Variants in NF1 observed in about 807,000 individuals in gnomAD.
The protein encoded by NF1 is neurofibromin 1.
In NF1, 122 loss-of-function variants were observed where a neutral mutation model predicts 325.7. That is an observed-to-expected ratio of 0.37 (90% CI 0.32 to 0.44). NF1 has a LOEUF of 0.44. Among genes scored for constraint, NF1 ranks in the 20% least tolerant of loss-of-function variants. The pLI, the probability that NF1 is intolerant of heterozygous loss-of-function variation, is 1.00. For missense variants in NF1, 2,140 were observed against 3,415.4 expected, an observed-to-expected ratio of 0.63 and a Z score of 9.31; for synonymous variants, 1,091 against 1,186.0, an observed-to-expected ratio of 0.92 and a Z score of 1.65.
intron 5 of NF1, among the ~76,000 whole-genome samples, chr17:31,174,263 A>C (rs561389492): frequency 5.8e-4 from 88 of 152,368 alleles, no homozygotes; most frequent in Admixed American, 1.0e-3. Flanking sequence ...GTTAAAATGC[A>C]GTCTACTATT....
chr17:31,322,101 A>ACACG (rs1410485561), intron 36 of NF1, among the ~76,000 whole-genome samples: 4 of 48,862 alleles, frequency 8.2e-5, no homozygotes, highest in African/African-American at 1.4e-4. Context: ...GTATACACAC[A>ACACG]CACACACACA....
At chr17:31,335,996 A>G (rs1422170925) in intron 40 of NF1, among the ~76,000 whole-genome samples, 1 of 151,104 alleles carries the variant, frequency 6.6e-6, no homozygotes, top group Non-Finnish European at 1.5e-5. Context: ...CCAGCTCTGT[A>G]TTTTCAAATT....
intron 15 of NF1, among the ~76,000 whole-genome samples, chr17:31,223,109 CA>C (rs1303307957): frequency 2.6e-5 from 4 of 152,168 alleles, no homozygotes; most frequent in Admixed American, 2.6e-4. Flanking sequence ...CACTGTGGAG[CA>C]CTGGGTTTAT....
In NF1 at chr17:31,328,692, C is replaced by T. The variant is rs1304990371; in HGVS notation, c.5609+853C>T. The stretch of plus-strand genomic sequence containing the variant: ...ATTCTTTGTCTCAAGTACCCTGAGA[C>T]TTTGAAGATTTTTCAGATGTAAATT... On this transcript the variant is annotated intron_variant, in intron 38 of 57. Coordinates refer to ENST00000358273, the MANE Select transcript of NF1 (RefSeq NM_001042492.3). Among the ~76,000 whole-genome samples, 4 of 152,088 alleles carry T rather than the reference C, an allele frequency of 2.6e-5. No homozygotes were observed. The East Asian group carries it at 7.7e-4, about 29-fold the overall frequency.
At chr17:31,271,732 A>G (rs1044218159) in intron 36 of NF1, among the ~76,000 whole-genome samples, 4 of 152,160 alleles carry the variant, frequency 2.6e-5, no homozygotes, top group Non-Finnish European at 5.9e-5. Flanking sequence ...CCTGGGCAAC[A>G]GGAGTGAAAC....
chr17:31,212,481 AG>A (rs1436331806), intron 12 of NF1, among the ~76,000 whole-genome samples: 1 of 152,152 alleles, frequency 6.6e-6, no homozygotes, highest in East Asian at 1.9e-4. Context: ...GGCCAAGGCA[AG>A]TGGATCACCT....
At chr17:31,195,323 C>G (rs2066415691) in intron 8 of NF1, among the ~76,000 whole-genome samples, 1 of 152,062 alleles carries the variant, frequency 6.6e-6, no homozygotes, top group East Asian at 1.9e-4. Flanking sequence ...CATTAATCAC[C>G]TTTTATTTGA....
chr17:31,167,689 C>G (rs917044812), intron 4 of NF1, among the ~76,000 whole-genome samples: 1 of 152,230 alleles, frequency 6.6e-6, no homozygotes, highest in East Asian at 1.9e-4. Context: ...TTTTGAAAAT[C>G]TGAGTGCTGT....
rs1339619811 is a variant in NF1, at chr17:31,263,772, T to TA, written c.4725-1457_4725-1456insA. ...CTCTTGGAGACCCATTTTCTTTTTT[T>TA]TAAAAAAAATGAAGGTAGCTTTATA... On this transcript the variant is annotated intron_variant, in intron 35 of 57. Transcript: ENST00000358273. 4.9e-4 allele frequency among the ~76,000 whole-genome samples: 74 copies of TA among 151,476 alleles called. 1 individual carries two copies. Among genetic ancestry groups the TA allele is most frequent in the Non-Finnish European group, 2.4e-4 (16 of 67,814 alleles).
intron 5 of NF1, among the ~76,000 whole-genome samples, chr17:31,179,401 A>G (rs2066084074): frequency 6.6e-6 from 1 of 152,228 alleles, no homozygotes; most frequent in African/African-American, 2.4e-5. Context: ...TGCCCACAAG[A>G]TAAAGCAGGA....
intron 4 of NF1, among the ~76,000 whole-genome samples, chr17:31,167,214 C>T (rs1377942914): frequency 6.6e-6 from 1 of 152,078 alleles, no homozygotes; most frequent in African/African-American, 2.4e-5. Flanking sequence ...TCTGAGGAGC[C>T]GTACTCCATA....
intron 17 of NF1, 118 bp from the exon 18 acceptor site, chr17:31,226,315 GGA>G (rs960199090): frequency 4.9e-6 from 3 of 618,086 alleles, no homozygotes; most frequent in African/African-American, 7.5e-5. Context: ...TATTGTATGC[GGA>G]GACACACACA....
intron 36 of NF1, chr17:31,320,382 A>G (rs752707346): frequency 2.5e-6 from 4 of 1,605,306 alleles, no homozygotes; most frequent in Non-Finnish European, 3.4e-6. Context: ...CCTAGCTAGT[A>G]TAGGTAGGGC....
intron 8 of NF1, among the ~76,000 whole-genome samples, chr17:31,192,387 G>A (rs1047439693): frequency 2.0e-5 from 3 of 152,140 alleles, no homozygotes; most frequent in Non-Finnish European, 4.4e-5. Context: ...AGAAAGGCGC[G>A]ACAACTCAAA....
chr17:31,132,082 C>T (rs530691156), intron 1 of NF1, among the ~76,000 whole-genome samples: 2 of 152,248 alleles, frequency 1.3e-5, no homozygotes, highest in East Asian at 3.9e-4. Context: ...AGGCACATGT[C>T]ACCATCCCTA....
Position 31,356,477 on chromosome 17 carries a change from G to T in NF1, c.7633G>T (p.Asp2545Tyr), listed in dbSNP as rs2151581039. The change falls in exon 52 of 58, where the codon GAT (aspartate) becomes TAT (tyrosine). Residue 2545 changes from aspartate to tyrosine, a missense_variant. Physicochemically the swap from Asp to Tyr is radical, Grantham distance 160. Transcript: ENST00000358273. ...GTTTATAGGAACAAGGAAAAGTTTT[G>T]ATCACTTGATATCAGACACAAAGGC... ...KKLLGTRKSFDHLISDTKAPK... is the reference protein window; with the variant it reads ...KKLLGTRKSFYHLISDTKAPK... The T allele has an allele frequency of 1.2e-6, 2 of 1,613,458 alleles. No homozygotes were observed. The highest frequency in any genetic ancestry group is 2.2e-5 in the South Asian group (2 of 91,012).
chr17:31,271,194 T>G (rs182410336), intron 36 of NF1, among the ~76,000 whole-genome samples: 6 of 152,342 alleles, frequency 3.9e-5, no homozygotes, highest in Middle Eastern at 6.8e-3. Context: ...TATATTACTC[T>G]GGGGAAAATA....
At chr17:31,139,386 A>ACACACACT (rs1916044530) in intron 1 of NF1, among the ~76,000 whole-genome samples, 1 of 150,308 alleles carries the variant, frequency 6.7e-6, no homozygotes, top group African/African-American at 2.4e-5. Flanking sequence ...ACACACACAC[A>ACACACACT]CACACACACA....
intron 36 of NF1, chr17:31,296,209 A>G (rs1000343494): frequency 1.9e-6 from 3 of 1,613,982 alleles, no homozygotes; most frequent in African/African-American, 1.3e-5. Context: ...TTCTGCCTGA[A>G]CAGTCCACAT....
Sources: allele counts gnomAD v4.1 joint callset (sites outside exome capture counted in the v4.1 genomes callset), GRCh38; gene constraint gnomAD v4.1.1; transcripts MANE v1.5; gene names NCBI Gene and HGNC (gene_info 2026-07-23, HGNC 2026-07-21).